PNPLA6: variants seen among roughly 807,000 people sequenced by gnomAD.
PNPLA6 encodes the protein patatin like domain 6, lysophospholipase, also known as patatin-like phospholipase domain-containing protein 6.
Under a neutral mutation model 153.7 loss-of-function variants are expected in PNPLA6, and 105 were observed. The ratio of observed to expected loss-of-function variants is 0.68; its 90% CI spans 0.58 to 0.80. The LOEUF (loss-of-function observed/expected upper bound fraction) is 0.80, where lower values mean the gene tolerates loss of function less well. Among genes scored for constraint, PNPLA6 ranks in the 30% least tolerant of loss-of-function variants. PNPLA6 has a pLI of 0.00. For missense variants in PNPLA6, 1,423 were observed against 1,919.3 expected (o/e 0.74, Z 4.83); for synonymous variants, 825 against 822.2 (o/e 1.00, Z -0.06).
chr19:7,555,818 T>C lies in PNPLA6; in HGVS notation c.3093+55T>C. Reference sequence around the variant, plus strand: ...CCCAGGAGTGCCATAAAACCCGTGGTTCCAACCTAACCTGATCCCATGGGG... The same window carrying C: ...CCCAGGAGTGCCATAAAACCCGTGGCTCCAACCTAACCTGATCCCATGGGG... On this transcript the variant is annotated intron_variant, in intron 24 of 31. Transcript: ENST00000600737. The surrounding 1 kb of genome is among the most constrained non-coding windows in gnomAD (Gnocchi z 6.3). 1 of 1,590,152 alleles carries C rather than the reference T, an allele frequency of 6.3e-7. No individual in the cohort carries two copies. The highest frequency in any genetic ancestry group is 8.6e-7 in the Non-Finnish European group (1 of 1,165,564).
chr19:7,534,349 G>A, upstream of PNPLA6: 1 of 191,534 alleles, frequency 5.2e-6, no homozygotes, highest in Non-Finnish European at 1.1e-5. Flanking sequence ...TAGACTTTCT[G>A]ATGTTCCCAT....
Position 7,555,387 on chromosome 19 carries a change from TCTGGGGGCGGGGC to T in PNPLA6, c.2936+25_2936+37del. ...GGCCAGGTGAGGGCGGGGCTTGCTC[TCTGGGGGCGGGGC>T]CTGGATGTCCGAGGGTGGAGCTTCC... On this transcript the variant is annotated intron_variant, in intron 23 of 31. Transcript: ENST00000600737. This position sits in a 1 kb window ranked among gnomAD's most constrained non-coding sequence, Gnocchi z 6.3. 7.3e-7 allele frequency: 1 copy of T among 1,363,404 alleles called. No homozygotes were observed. 84.5% of individuals were successfully genotyped at this position (1,363,404 alleles called of 1,614,324 possible). A position where few individuals can be genotyped will look rare whatever the true frequency, so the allele number is the denominator to read the frequency against.
rs749478143 is a variant in PNPLA6, at chr19:7,541,705, A to C, written c.1168+21A>C. ...TACAGGTACCCAGGGACCCGAGGCC[A>C]GCCGAGCCCAATCTCCCAGGAAGCC... On this transcript the variant is annotated intron_variant, in intron 9 of 31. Coordinates refer to ENST00000600737, the MANE Select transcript of PNPLA6 (RefSeq NM_001166114.2). This position sits in a 1 kb window ranked among gnomAD's most constrained non-coding sequence, Gnocchi z 5.2. 11 of 1,555,676 alleles carry C rather than the reference A, an allele frequency of 7.1e-6. No individual in the cohort carries two copies. The highest frequency in any genetic ancestry group is 9.5e-6 in the Non-Finnish European group (11 of 1,154,516).
chr19:7,553,250 T>C (rs571851181), intron 18 of PNPLA6, among the ~76,000 whole-genome samples: 1 of 152,170 alleles, frequency 6.6e-6, no homozygotes, highest in South Asian at 2.1e-4. Flanking sequence ...TGTCTTTGTC[T>C]TTTCTTTTAT....
chr19:7,539,362 C>T (rs528999124), intron 3 of PNPLA6, among the ~76,000 whole-genome samples: 45 of 151,628 alleles, frequency 3.0e-4, no homozygotes, highest in Admixed American at 1.1e-3. Context: ...ACCTGTAGTC[C>T]CAGCTACTTG....
At position 7,541,889 on chromosome 19, in the gene PNPLA6, C is replaced by T. The variant is rs1398408766; in HGVS notation, c.1169-95C>T. On this transcript the variant is annotated intron_variant, in intron 9 of 31. Transcript: ENST00000600737. The surrounding 1 kb of genome is among the most constrained non-coding windows in gnomAD (Gnocchi z 5.2). Reference sequence around the variant, plus strand: ...CAAGGGCCCATTGGAATTGCTTTAACTAGTTAATCAGTCGCCAGCATCTCC... The same window carrying T: ...CAAGGGCCCATTGGAATTGCTTTAATTAGTTAATCAGTCGCCAGCATCTCC... The T allele has an allele frequency of 9.8e-6, 12 of 1,218,492 alleles. No individual in the cohort carries two copies. The highest frequency in any genetic ancestry group is 3.0e-5 in the African/African-American group (2 of 67,698). 75.5% of individuals were successfully genotyped at this position (1,218,492 alleles called of 1,614,324 possible). A position where few individuals can be genotyped will look rare whatever the true frequency, so the allele number is the denominator to read the frequency against.
intron 28 of PNPLA6, among the ~76,000 whole-genome samples, chr19:7,560,422 G>A (rs2024051467): frequency 6.6e-6 from 1 of 152,202 alleles, no homozygotes; most frequent in South Asian, 2.1e-4. Context: ...CCTGCATGGG[G>A]CTGTGTGGGA....
rs559393431 is a variant in PNPLA6, at chr19:7,541,405, C to T, written c.976C>T (p.Leu326=). ...CACCTTCCTGGCACTGCACAACTAC[C>T]TGGGTCTGACCAATGAGCTCTTCAG... ...RVTFLALHNY[L]GLTNELFSHE... is the part of the protein sequence containing the mutation. The change falls in exon 8 of 32, where the codon CTG becomes TTG. Residue 326 remains leucine, a synonymous_variant. Coordinates refer to ENST00000600737, the MANE Select transcript of PNPLA6 (RefSeq NM_001166114.2). This position sits in a 1 kb window ranked among gnomAD's most constrained non-coding sequence, Gnocchi z 5.2. 1.1e-3 allele frequency: 1,805 copies of T among 1,614,048 alleles called. 30 individuals are homozygous for T. The South Asian group carries it at 0.019, about 17-fold the overall frequency.
intron 13 of PNPLA6, among the ~76,000 whole-genome samples, chr19:7,548,806 T>TC (rs61205347): frequency 0.65 from 89,990 of 138,282 alleles, 29,315 homozygotes; most frequent in South Asian, 0.76. Context: ...TTTTTCTTTT[T>TC]TTTTTTTTTT....
Position 7,541,624 on chromosome 19 carries a change from C to A in PNPLA6, c.1108C>A (p.Pro370Thr). The A allele has an allele frequency of 6.3e-7, 1 of 1,589,162 alleles. No individual in the cohort carries two copies. The highest frequency in any genetic ancestry group is 1.3e-5 in the African/African-American group (1 of 74,562). ...RMVSTSATDE[P>T]RETPGRPPDP... is the part of the protein sequence containing the mutation. ...GGTCAGCACCTCAGCTACAGACGAGCCCAGGGAGACCCCAGGGCGGCCACC... is the reference window on the plus strand; with the variant it reads ...GGTCAGCACCTCAGCTACAGACGAGACCAGGGAGACCCCAGGGCGGCCACC... Residue 370 changes from proline (P) to threonine (T), a missense_variant, in exon 9 of 32, where the codon CCC becomes ACC. Around this residue, in one of 10 missense-constraint regions of PNPLA6, gnomAD observed 267 missense variants for 255.1 expected, o/e 1.05. Transcript: ENST00000600737. The surrounding 1 kb of genome is among the most constrained non-coding windows in gnomAD (Gnocchi z 5.2).
Position 7,535,966 on chromosome 19 carries a change from G to A in PNPLA6, c.178G>A (p.Val60Met), listed in dbSNP as rs769940615. The A allele has an allele frequency of 6.3e-7, 1 of 1,584,306 alleles. No individual in the cohort carries two copies. The highest frequency in any genetic ancestry group is 1.3e-5 in the African/African-American group (1 of 74,898). Residue 60 changes from valine to methionine, a missense_variant, in exon 1 of 32, where the codon GTG becomes ATG. Physicochemically the swap from Val to Met is conservative, Grantham distance 21 (BLOSUM62 1). This residue lies in a region of PNPLA6 where 109 missense variants were observed against 109.4 expected (regional missense o/e 1.00). Coordinates refer to ENST00000600737, the MANE Select transcript of PNPLA6 (RefSeq NM_001166114.2). The surrounding 1 kb of genome is among the most constrained non-coding windows in gnomAD (Gnocchi z 5.0). ...CGTGATGATCGGGGCCGGAGTGGCG[G>A]TGGTGGTCACGGCCGTGCTCATCCT... The part of the protein sequence containing the change: ...LGVMIGAGVA[V>M]VVTAVLILLV...
intron 28 of PNPLA6, 123 bp from the exon 29 acceptor site, chr19:7,560,525 G>A (rs2146121016): frequency 2.7e-6 from 2 of 749,552 alleles, no homozygotes; most frequent in East Asian, 2.6e-5. Flanking sequence ...TCTGAAATAG[G>A]TTTAGTCTCA....
In PNPLA6 at chr19:7,541,428, C is replaced by T. The variant is rs1471308568; in HGVS notation, c.999C>T (p.Phe333=). Residue 333 remains phenylalanine (F), a synonymous_variant, in exon 8 of 32, where the codon TTC becomes TTT. Coordinates refer to ENST00000600737, the MANE Select transcript of PNPLA6 (RefSeq NM_001166114.2). The surrounding 1 kb of genome is among the most constrained non-coding windows in gnomAD (Gnocchi z 5.2). ...ACCTGGGTCTGACCAATGAGCTCTT[C>T]AGCCACGTGAGTGGGTGGCGGGGAG... ...HNYLGLTNEL[F]SHEIQPLRLF... is the part of the protein sequence containing the mutation. 2 of 1,613,808 alleles carry T rather than the reference C, an allele frequency of 1.2e-6. No homozygotes were observed. Among genetic ancestry groups the T allele is most frequent in the Non-Finnish European group, 1.7e-6 (2 of 1,179,794 alleles).
intron 13 of PNPLA6, among the ~76,000 whole-genome samples, chr19:7,544,678 C>G (rs1054959614): frequency 5.3e-5 from 8 of 151,960 alleles, no homozygotes; most frequent in Non-Finnish European, 7.4e-5. Flanking sequence ...AAGCCTGGGG[C>G]AGGGTTGGGG....
chr19:7,549,230 A>C, intron 13 of PNPLA6, among the ~76,000 whole-genome samples: 2 of 143,190 alleles, frequency 1.4e-5, no homozygotes, highest in Admixed American at 7.1e-5. Flanking sequence ...TCTGTCGCCC[A>C]CGCTGGAGTG....
chr19:7,541,098 G>C lies in PNPLA6; in HGVS notation c.924+47G>C, dbSNP rs2023115756. On this transcript the variant is annotated intron_variant, in intron 7 of 31. Coordinates refer to ENST00000600737, the MANE Select transcript of PNPLA6 (RefSeq NM_001166114.2). This position sits in a 1 kb window ranked among gnomAD's most constrained non-coding sequence, Gnocchi z 5.2. Reference sequence around the variant, plus strand: ...GTCACCCCCTGAGGGACCCCACCCTGGCCCCCACCCATTCCAGGCTCCAAG... The same window carrying C: ...GTCACCCCCTGAGGGACCCCACCCTCGCCCCCACCCATTCCAGGCTCCAAG... 1 of 1,582,310 alleles carries C rather than the reference G, an allele frequency of 6.3e-7. No individual in the cohort carries two copies. The highest frequency in any genetic ancestry group is 8.6e-7 in the Non-Finnish European group (1 of 1,162,646).
chr19:7,549,444 CCAAAG>C, intron 13 of PNPLA6, among the ~76,000 whole-genome samples: 1 of 151,160 alleles, frequency 6.6e-6, no homozygotes, highest in Admixed American at 6.6e-5. Flanking sequence ...CCTCGGCCTC[CCAAAG>C]TTCTGGGATT....
rs555997335 is a variant in PNPLA6 at position 7,557,164 on chromosome 19, G to T, written c.3281-4G>T. 10 of 1,605,012 alleles carry T rather than the reference G, an allele frequency of 6.2e-6. No homozygotes were observed. The highest frequency in any genetic ancestry group is 1.7e-5 in the Admixed American group (1 of 59,974). ...TGTTTGTGTCTGTGTGTCCCACCGC[G>T]CAGGCTCCCTGTGGCGGTACGTGCG... On this transcript the variant is annotated splice_region_variant and splice_polypyrimidine_tract_variant and intron_variant, in intron 26 of 31. Transcript: ENST00000600737.
intron 18 of PNPLA6, 70 bp downstream of exon 18, chr19:7,551,507 C>A (rs1568416968): frequency 1.5e-6 from 2 of 1,300,534 alleles, no homozygotes; most frequent in East Asian, 2.3e-5. Flanking sequence ...GGGAGGGAAG[C>A]CTTCTTTCCT....
Sources: allele counts gnomAD v4.1 joint callset (sites outside exome capture counted in the v4.1 genomes callset), GRCh38; gene constraint gnomAD v4.1.1; regional missense constraint gnomAD v4.1.1; non-coding constraint Gnocchi (gnomAD v3.1); transcripts MANE v1.5; gene names NCBI Gene and HGNC (gene_info 2026-07-23, HGNC 2026-07-21).